LRRTM3: variants seen among roughly 807,000 people sequenced by gnomAD.
LRRTM3 encodes the protein leucine rich repeat transmembrane neuronal 3.
LRRTM3 carries 24 observed loss-of-function variants against 44.7 expected under a neutral mutation model. The ratio of observed to expected loss-of-function variants is 0.54; its 90% confidence interval spans 0.39 to 0.76. LRRTM3 has a LOEUF of 0.76. Among genes scored for constraint, LRRTM3 ranks in the 30% least tolerant of loss-of-function variants. The pLI is 0.00. For synonymous variants in LRRTM3, 277 were observed against 278.7 expected, an observed-to-expected ratio of 0.99 and a Z score of 0.06; for missense variants, 587 against 702.2, an observed-to-expected ratio of 0.84 and a Z score of 1.85.
At chr10:67,043,556 C>T (rs1227874953) in intron 2 of LRRTM3, among the ~76,000 whole-genome samples, 2 of 152,186 alleles carry the variant, frequency 1.3e-5, no homozygotes, top group African/African-American at 2.4e-5. Flanking sequence ...TGCTGTAACA[C>T]TCTGAATCTC....
At chr10:66,976,805 A>G (rs1158627069) in intron 2 of LRRTM3, among the ~76,000 whole-genome samples, 1 of 152,174 alleles carries the variant, frequency 6.6e-6, no homozygotes, top group African/African-American at 2.4e-5. Context: ...TTTTATTGGT[A>G]AAATGTATAA....
chr10:66,932,481 C>T (rs1330056744), intron 2 of LRRTM3, among the ~76,000 whole-genome samples: 1 of 152,068 alleles, frequency 6.6e-6, no homozygotes, highest in Non-Finnish European at 1.5e-5. Context: ...TTCCTTTTTG[C>T]TCTGGATTCT....
intron 2 of LRRTM3, among the ~76,000 whole-genome samples, chr10:66,986,256 G>C (rs1195643728): frequency 1.3e-5 from 2 of 152,048 alleles, no homozygotes; most frequent in African/African-American, 4.8e-5. Flanking sequence ...CCAAGGCTTT[G>C]AGAGGCCGAG....
At chr10:67,028,655 A>AG (rs940434920) in intron 2 of LRRTM3, among the ~76,000 whole-genome samples, 3 of 151,980 alleles carry the variant, frequency 2.0e-5, no homozygotes, top group African/African-American at 7.2e-5. Context: ...ACTTAAAAAA[A>AG]AAAAAAAAAA....
rs1847125537 is a variant in LRRTM3 at position 66,927,093 on chromosome 10, A to C, written c.177A>C (p.Ile59=). 6.2e-7 allele frequency: 1 copy of C among 1,614,220 alleles called. No individual in the cohort carries two copies. The highest frequency in any genetic ancestry group is 8.5e-7 in the Non-Finnish European group (1 of 1,180,046). The change falls in exon 2 of 3, where the codon ATA becomes ATC. Residue 59 remains isoleucine, a synonymous_variant. Transcript: ENST00000361320. This position sits in a 1 kb window ranked among gnomAD's most constrained non-coding sequence, Gnocchi z 4.7. ...AATTACAGGAGATACCCTCAAGTATATCTGCTGGTTGCTTAGGTTTGTCCC... is the reference window on the plus strand; with the variant it reads ...AATTACAGGAGATACCCTCAAGTATCTCTGCTGGTTGCTTAGGTTTGTCCC... ...SQKLQEIPSS[I]SAGCLGLSLR...
chr10:66,995,306 G>T (rs984610663), intron 2 of LRRTM3, among the ~76,000 whole-genome samples: 1 of 151,986 alleles, frequency 6.6e-6, no homozygotes, highest in African/African-American at 2.4e-5. Flanking sequence ...TATCAAATTG[G>T]TTACCAAGTC....
intron 2 of LRRTM3, among the ~76,000 whole-genome samples, chr10:67,033,488 A>T (rs1853858755): frequency 6.6e-6 from 1 of 152,226 alleles, no homozygotes; most frequent in South Asian, 2.1e-4. Context: ...CCATTACTGT[A>T]TACTGTACCA....
chr10:67,014,996 G>C (rs1362750741), intron 2 of LRRTM3, among the ~76,000 whole-genome samples: 1 of 151,844 alleles, frequency 6.6e-6, no homozygotes, highest in African/African-American at 2.4e-5. Context: ...TCAGGTAAAC[G>C]TTTCTTAAAC....
At chr10:67,022,011 G>A (rs1254183989) in intron 2 of LRRTM3, among the ~76,000 whole-genome samples, 6 of 152,126 alleles carry the variant, frequency 3.9e-5, no homozygotes. Context: ...TTGTTAAGTC[G>A]CAATAGACCT....
intron 2 of LRRTM3, among the ~76,000 whole-genome samples, chr10:67,095,590 T>G (rs1369941861): frequency 1.3e-5 from 2 of 151,844 alleles, no homozygotes; most frequent in Non-Finnish European, 2.9e-5. Context: ...AATAAATGTA[T>G]CATGGTTTAT....
At chr10:67,069,886 T>A (rs1347494751) in intron 2 of LRRTM3, among the ~76,000 whole-genome samples, 2 of 152,194 alleles carry the variant, frequency 1.3e-5, no homozygotes, top group African/African-American at 4.8e-5. Context: ...CTTTTGTACA[T>A]CTTTTGGTTA....
chr10:66,995,819 C>T (rs189711965), intron 2 of LRRTM3, among the ~76,000 whole-genome samples: 2 of 152,264 alleles, frequency 1.3e-5, no homozygotes, highest in Admixed American at 6.5e-5. Flanking sequence ...GCATTACTGC[C>T]TCTACAAACC....
intron 2 of LRRTM3, among the ~76,000 whole-genome samples, chr10:67,012,767 G>T (rs1852419938): frequency 6.6e-6 from 1 of 151,966 alleles, no homozygotes. Flanking sequence ...AAATGATCAA[G>T]ATTTTTGTTG....
intron 2 of LRRTM3, among the ~76,000 whole-genome samples, chr10:67,067,506 G>T (rs568633952): frequency 6.6e-6 from 1 of 152,276 alleles, no homozygotes; most frequent in Non-Finnish European, 1.5e-5. Flanking sequence ...GCAGGTTTCA[G>T]ATCAGAAATA....
chr10:66,966,101 T>A (rs909856198), intron 2 of LRRTM3, among the ~76,000 whole-genome samples: 7 of 152,184 alleles, frequency 4.6e-5, no homozygotes, highest in African/African-American at 1.7e-4. Flanking sequence ...TTTGTAAAAT[T>A]GGGATAACAA....
intron 2 of LRRTM3, among the ~76,000 whole-genome samples, chr10:67,031,118 C>T (rs558088983): frequency 1.3e-5 from 2 of 152,170 alleles, no homozygotes; most frequent in African/African-American, 4.8e-5. Context: ...AGAGTTTAAA[C>T]TAGATGACTT....
intron 2 of LRRTM3, among the ~76,000 whole-genome samples, chr10:67,092,351 C>T (rs1053859929): frequency 2.0e-5 from 3 of 151,832 alleles, no homozygotes; most frequent in African/African-American, 2.4e-5. Flanking sequence ...TAACACTTAC[C>T]AAGCAAACTA....
rs1488166096 is a variant in LRRTM3 at position 67,029,464 on chromosome 10, A to C, written c.1537-68123A>C. On this transcript the variant is annotated intron_variant, in intron 2 of 2. Coordinates refer to ENST00000361320, the MANE Select transcript of LRRTM3 (RefSeq NM_178011.5). ...TGAGGGTTGGTTTAGTTACTGTCTT[A>C]GGAAAAGCATGATAACCGGTGGGTA... is the stretch of plus-strand genomic sequence containing the variant. Among the ~76,000 whole-genome samples the C allele has an allele frequency of 3.3e-5, 5 of 152,164 alleles. No individual in the cohort carries two copies. In the East Asian group the frequency reaches 9.6e-4, roughly 29 times the overall value.
At chr10:67,019,454 G>A (rs1852858173) in intron 2 of LRRTM3, among the ~76,000 whole-genome samples, 1 of 152,168 alleles carries the variant, frequency 6.6e-6, no homozygotes, top group Admixed American at 6.5e-5. Flanking sequence ...CCGACCTCAG[G>A]TGATCCCCCT....
Sources: allele counts gnomAD v4.1 joint callset (sites outside exome capture counted in the v4.1 genomes callset), GRCh38; gene constraint gnomAD v4.1.1; non-coding constraint Gnocchi (gnomAD v3.1); transcripts MANE v1.5; gene names NCBI Gene and HGNC (gene_info 2026-07-23, HGNC 2026-07-21).